The following ACSL3 variants were observed in gnomAD, a reference collection of about 807,000 sequenced individuals.
The protein encoded by ACSL3 is acyl-CoA synthetase long chain family member 3, also known as fatty acid CoA ligase Acsl3.
ACSL3 carries 34 observed loss-of-function variants against 84.7 expected under a neutral mutation model. That is an observed-to-expected ratio of 0.40 (90% confidence interval 0.31 to 0.53). The LOEUF (loss-of-function observed/expected upper bound fraction) is 0.53, where lower values mean the gene tolerates loss of function less well. Among genes scored for constraint, ACSL3 ranks in the 20% least tolerant of loss-of-function variants. The pLI, the probability that ACSL3 is intolerant of heterozygous loss-of-function variation, is 0.48. For missense variants in ACSL3, 680 were observed against 873.1 expected (o/e 0.78, Z 2.79); for synonymous variants, 315 against 299.4 (o/e 1.05, Z -0.54).
rs1697372830 is a variant in ACSL3, at chr2:222,943,211, A to G, written c.*1557A>G. 1.8e-5 allele frequency: 4 copies of G among 221,898 alleles called. No homozygotes were observed. The highest frequency in any genetic ancestry group is 3.6e-5 in the Non-Finnish European group (4 of 111,478). The allele number at this position is 221,898 out of a possible 1,614,324, so 13.7% of individuals were successfully genotyped here. On this transcript the variant is annotated 3_prime_UTR_variant, in exon 17 of 17. Coordinates refer to ENST00000357430, the MANE Select transcript of ACSL3 (RefSeq NM_004457.5). ...TGCATCACAAACATCGTATGTGGAG[A>G]CATTGCAATACAGTGTTTTTTGTTT...
At chr2:222,888,731 A>G (rs1695777125) in intron 2 of ACSL3, among the ~76,000 whole-genome samples, 1 of 152,244 alleles carries the variant, frequency 6.6e-6, no homozygotes, top group African/African-American at 2.4e-5. Context: ...TTCTTTTGCT[A>G]GGGATTATCC....
intron 10 of ACSL3, among the ~76,000 whole-genome samples, chr2:222,923,798 T>C (rs77088143): frequency 1.4e-5 from 1 of 70,318 alleles, no homozygotes; most frequent in Non-Finnish European, 2.8e-5. Flanking sequence ...CAGTAGTTTC[T>C]TTCTATAATT....
At chr2:222,921,065 A>T in intron 7 of ACSL3, 1 of 655,180 alleles carries the variant, frequency 1.5e-6, no homozygotes, top group Non-Finnish European at 2.9e-6. Flanking sequence ...AGTTTTCTTC[A>T]TAGGTTAATC....
rs373031697 is a variant in ACSL3, at chr2:222,901,634, A to G, written c.-41+854A>G. On this transcript the variant is annotated intron_variant, in intron 3 of 16. Coordinates refer to ENST00000357430, the MANE Select transcript of ACSL3 (RefSeq NM_004457.5). Reference sequence around the variant, plus strand: ...TCTTTTTTAAGCTAACCTTAGATTTAATGAACTAGTTATTTAGGTCCAAAA... The same window carrying G: ...TCTTTTTTAAGCTAACCTTAGATTTGATGAACTAGTTATTTAGGTCCAAAA... Among the ~76,000 whole-genome samples the G allele has an allele frequency of 2.2e-4, 33 of 152,268 alleles. No homozygotes were observed. The East Asian group carries it at 5.8e-3, about 27-fold the overall frequency.
At chr2:222,890,740 CTGG>C (rs1332184803) in intron 2 of ACSL3, among the ~76,000 whole-genome samples, 1 of 152,122 alleles carries the variant, frequency 6.6e-6, no homozygotes. Context: ...CTCCCAGACT[CTGG>C]TGATTCTTGT....
chr2:222,870,011 G>A (rs1164180334), intron 1 of ACSL3, among the ~76,000 whole-genome samples: 1 of 152,118 alleles, frequency 6.6e-6, no homozygotes, highest in Non-Finnish European at 1.5e-5. Context: ...TGCAGGAGGA[G>A]CTTTGAAGGT....
intron 1 of ACSL3, among the ~76,000 whole-genome samples, chr2:222,879,516 G>A (rs1289000308): frequency 6.6e-6 from 1 of 152,140 alleles, no homozygotes; most frequent in East Asian, 1.9e-4. Flanking sequence ...ATAAGAGCCT[G>A]GAGGGATTTA....
intron 16 of ACSL3, among the ~76,000 whole-genome samples, chr2:222,940,072 C>T (rs904400218): frequency 2.6e-5 from 4 of 152,192 alleles, no homozygotes; most frequent in African/African-American, 7.2e-5. Flanking sequence ...TGACGACATA[C>T]GGTTTTTCAA....
At chr2:222,885,708 C>T (rs565608326) in intron 1 of ACSL3, among the ~76,000 whole-genome samples, 1 of 152,178 alleles carries the variant, frequency 6.6e-6, no homozygotes, top group East Asian at 1.9e-4. Context: ...TAAGAAACAG[C>T]AGGGATTTTG....
intron 2 of ACSL3, among the ~76,000 whole-genome samples, chr2:222,888,578 T>C (rs1227718482): frequency 6.6e-6 from 1 of 152,222 alleles, no homozygotes; most frequent in African/African-American, 2.4e-5. Context: ...TTTCGAAGTC[T>C]TTTTTCATAT....
intron 2 of ACSL3, among the ~76,000 whole-genome samples, chr2:222,898,178 CTTTTA>C (rs1362463342): frequency 2.0e-5 from 3 of 152,090 alleles, no homozygotes; most frequent in East Asian, 1.9e-4. Flanking sequence ...TGTTGCTTGA[CTTTTA>C]TTTTAATTTA....
rs138352775 is a variant in ACSL3, at chr2:222,934,681, A to T, written c.1999A>T (p.Ile667Phe). The T allele has an allele frequency of 6.2e-7, 1 of 1,607,704 alleles. No individual in the cohort carries two copies. The highest frequency in any genetic ancestry group is 8.5e-7 in the Non-Finnish European group (1 of 1,178,018). The change falls in exon 16 of 17, where the codon ATT becomes TTT. Residue 667 changes from isoleucine (I) to phenylalanine (F), a missense_variant. Transcript: ENST00000357430. ...EVLKVLSEAAISASLEKFEIP... is the reference protein window; with the variant it reads ...EVLKVLSEAAFSASLEKFEIP... ...ACTTAAAGTGCTTTCCGAAGCTGCT[A>T]TTTCAGGTGAGTATTCGGTTAAACT... is the stretch of plus-strand genomic sequence containing the variant.
chr2:222,909,483 AC>A (rs1696384482), intron 4 of ACSL3: 2 of 232,614 alleles, frequency 8.6e-6, no homozygotes. Flanking sequence ...TTGGGGTGGG[AC>A]CTGCTGTGTT....
intron 16 of ACSL3, among the ~76,000 whole-genome samples, chr2:222,936,000 T>C (rs1377913814): frequency 2.0e-5 from 3 of 152,196 alleles, no homozygotes; most frequent in Non-Finnish European, 4.4e-5. Flanking sequence ...ACTTCATACA[T>C]GTGGAATCAT....
rs1366453772 is a variant in ACSL3, at chr2:222,922,729, A to G, written c.978A>G (p.Gly326=). 2.5e-6 allele frequency: 4 copies of G among 1,613,946 alleles called. No individual in the cohort carries two copies. In the African/African-American group the frequency reaches 5.3e-5, roughly 22 times the overall value. ...PELGEEDVYI[G]YLPLAHVLEL... ...TTAGAGAGGAAGATGTCTACATTGG[A>G]TATTTGCCTCTGGCCCATGTTCTAG... The change falls in exon 9 of 17, where the codon GGA becomes GGG. Residue 326 remains glycine (G), a synonymous_variant. Transcript: ENST00000357430.
chr2:222,867,980 C>CTT (rs35688859), intron 1 of ACSL3, among the ~76,000 whole-genome samples: 2 of 140,206 alleles, frequency 1.4e-5, no homozygotes, highest in African/African-American at 2.6e-5. Flanking sequence ...ACTTTCTTTG[C>CTT]TTTTTTTTTT....
chr2:222,937,013 G>A (rs1452783134), intron 16 of ACSL3, among the ~76,000 whole-genome samples: 1 of 152,064 alleles, frequency 6.6e-6, no homozygotes, highest in African/African-American at 2.4e-5. Context: ...GGGATTATGG[G>A]GAATATAATT....
At chr2:222,887,149 AAT>A (rs1695744356) in intron 1 of ACSL3, among the ~76,000 whole-genome samples, 1 of 152,198 alleles carries the variant, frequency 6.6e-6, no homozygotes, top group Non-Finnish European at 1.5e-5. Context: ...TGCCTTTTCC[AAT>A]ATGTCATATA....
chr2:222,876,299 A>G (rs1348745640), intron 1 of ACSL3, among the ~76,000 whole-genome samples: 2 of 151,774 alleles, frequency 1.3e-5, no homozygotes, highest in Non-Finnish European at 2.9e-5. Flanking sequence ...TTATTGCTTT[A>G]TGGTTTTTTT....
Sources: gnomAD v4.1 joint callset for allele counts (sites outside exome capture counted in the v4.1 genomes callset) on GRCh38, gnomAD v4.1.1 for gene constraint, MANE v1.5 for transcripts, NCBI Gene and HGNC (gene_info 2026-07-23, HGNC 2026-07-21) for gene names.